CALN1: variants seen among roughly 807,000 people sequenced by gnomAD.
CALN1 encodes the protein calneuron 1.
CALN1 carries 17 observed loss-of-function variants against 30.6 expected under a neutral mutation model. That is an observed-to-expected ratio of 0.56 (90% confidence interval 0.38 to 0.83). The LOEUF is 0.83. Among genes scored for constraint, CALN1 ranks in the 40% least tolerant of loss-of-function variants. CALN1 has a pLI of 0.00. For missense variants in CALN1, 291 were observed against 354.9 expected (o/e 0.82, Z 1.45); for synonymous variants, 156 against 131.4 (o/e 1.19, Z -1.28).
At chr7:72,381,244 T>C (rs1156381137) in intron 2 of CALN1, among the ~76,000 whole-genome samples, 1 of 152,194 alleles carries the variant, frequency 6.6e-6, no homozygotes, top group African/African-American at 2.4e-5. Flanking sequence ...GGTGAGAGTG[T>C]AAATTAGTTC....
intron 2 of CALN1, among the ~76,000 whole-genome samples, chr7:72,326,867 T>C (rs1396493689): frequency 2.0e-5 from 3 of 152,228 alleles, no homozygotes; most frequent in East Asian, 3.8e-4. Context: ...TCTCTCTGAC[T>C]GAGTCTCCCC....
At chr7:72,215,662 C>A (rs1001168633) in intron 3 of CALN1, among the ~76,000 whole-genome samples, 1 of 151,862 alleles carries the variant, frequency 6.6e-6, no homozygotes, top group Non-Finnish European at 1.5e-5. Flanking sequence ...ATTTCAATCC[C>A]GTAATACTGC....
chr7:71,943,443 G>T (rs1376970560), intron 5 of CALN1, among the ~76,000 whole-genome samples: 3 of 151,872 alleles, frequency 2.0e-5, no homozygotes, highest in Admixed American at 6.6e-5. Context: ...AACAACAAAA[G>T]AATTTTTCTT....
chr7:72,280,901 G>A (rs1198557263), intron 2 of CALN1, among the ~76,000 whole-genome samples: 2 of 152,112 alleles, frequency 1.3e-5, no homozygotes, highest in Admixed American at 6.5e-5. Flanking sequence ...CCAGCACTTT[G>A]GGAGACCTAG....
intron 2 of CALN1, among the ~76,000 whole-genome samples, chr7:72,385,666 T>C (rs541720484): frequency 4.6e-5 from 7 of 152,316 alleles, no homozygotes; most frequent in African/African-American, 1.7e-4. Context: ...AGGGAGTAAC[T>C]TGGTGGTGAT....
At chr7:72,245,691 T>C (rs1434173517) in intron 3 of CALN1, among the ~76,000 whole-genome samples, 1 of 152,042 alleles carries the variant, frequency 6.6e-6, no homozygotes, top group Non-Finnish European at 1.5e-5. Flanking sequence ...AGAGATAGAA[T>C]TCACTTCCCA....
rs1227875540 is a variant in CALN1 at position 71,848,103 on chromosome 7, T to C, written c.502-37611A>G. Among the ~76,000 whole-genome samples the C allele has an allele frequency of 7.2e-5, 11 of 152,198 alleles. No individual in the cohort carries two copies. In the South Asian group the frequency reaches 1.7e-3, roughly 23 times the overall value. ...TGTCTAGTCAAGGTAACACATAAAA[T>C]TCACCATTGCAGAAGTGAAACTGGT... On this transcript the variant is annotated intron_variant, in intron 5 of 6. Coordinates refer to ENST00000395275, the MANE Select transcript of CALN1 (RefSeq NM_031468.4).
the CALN1 span, among the ~76,000 whole-genome samples, chr7:72,462,951 A>G: frequency 6.6e-6 from 1 of 152,248 alleles, no homozygotes; most frequent in East Asian, 1.9e-4. Flanking sequence ...TCTTCCATCA[A>G]TGAACATTAC....
At chr7:72,211,886 T>A (rs997864033) in intron 3 of CALN1, among the ~76,000 whole-genome samples, 1 of 152,098 alleles carries the variant, frequency 6.6e-6, no homozygotes. Flanking sequence ...TTAAAGAAGA[T>A]GATGATAGAG....
intron 5 of CALN1, among the ~76,000 whole-genome samples, chr7:71,868,644 TAAG>T (rs1357740965): frequency 4.6e-5 from 7 of 151,950 alleles, no homozygotes; most frequent in Non-Finnish European, 1.0e-4. Flanking sequence ...AGTGCTGGGA[TAAG>T]AACTCATTCA....
chr7:72,046,488 G>A (rs1040131929), intron 4 of CALN1, among the ~76,000 whole-genome samples: 5 of 151,896 alleles, frequency 3.3e-5, no homozygotes, highest in African/African-American at 1.2e-4. Flanking sequence ...GAGGCAGGTG[G>A]ATCACCTGAG....
intron 5 of CALN1, among the ~76,000 whole-genome samples, chr7:71,906,173 T>A (rs1041636453): frequency 1.8e-4 from 28 of 152,166 alleles, no homozygotes; most frequent in African/African-American, 5.3e-4. Flanking sequence ...ACACTCCCTA[T>A]CATTGCTGGA....
chr7:72,481,364 T>C, the CALN1 span, among the ~76,000 whole-genome samples: 1 of 152,224 alleles, frequency 6.6e-6, no homozygotes, highest in Non-Finnish European at 1.5e-5. Flanking sequence ...GCTGGGATTA[T>C]AAGCATGAGC....
chr7:72,195,421 C>T (rs560905204), intron 3 of CALN1, among the ~76,000 whole-genome samples: 10 of 152,288 alleles, frequency 6.6e-5, no homozygotes, highest in Admixed American at 1.3e-4. Context: ...TCTGCCACCC[C>T]GGCTGGAGTG....
At chr7:72,066,644 T>C (rs1458144237) in intron 4 of CALN1, among the ~76,000 whole-genome samples, 1 of 152,182 alleles carries the variant, frequency 6.6e-6, no homozygotes, top group Non-Finnish European at 1.5e-5. Flanking sequence ...ACAGGGTCTC[T>C]TTCTGTCAAT....
chr7:72,182,532 C>A (rs1287525831), intron 3 of CALN1, among the ~76,000 whole-genome samples: 2 of 152,076 alleles, frequency 1.3e-5, no homozygotes, highest in Non-Finnish European at 1.5e-5. Context: ...CCAACCTGGG[C>A]AACATGGTGA....
intron 4 of CALN1, among the ~76,000 whole-genome samples, chr7:72,097,792 C>CA (rs1806351989): frequency 6.6e-6 from 1 of 152,132 alleles, no homozygotes; most frequent in South Asian, 2.1e-4. Context: ...CGGCTCACCG[C>CA]AACCTCTGAC....
rs990802139 is a variant in CALN1, at chr7:72,380,729, A to G, written c.119+22522T>C. On this transcript the variant is annotated intron_variant, in intron 2 of 6. Coordinates refer to ENST00000395275, the MANE Select transcript of CALN1 (RefSeq NM_031468.4). ...ATTAGATAGATAGATAGATACATAG[A>G]TACATAGATAGATAGTGTTAAAGTT... Among the ~76,000 whole-genome samples the G allele has an allele frequency of 2.0e-5, 3 of 152,088 alleles. No homozygotes were observed. In the East Asian group the frequency reaches 5.8e-4, roughly 29 times the overall value.
intron 3 of CALN1, among the ~76,000 whole-genome samples, chr7:72,109,765 G>A (rs1263756463): frequency 2.0e-5 from 3 of 152,214 alleles, no homozygotes; most frequent in African/African-American, 2.4e-5. Context: ...GGAGGACGCA[G>A]AGGCCAGGCC....
Sources: allele counts gnomAD v4.1 joint callset (sites outside exome capture counted in the v4.1 genomes callset), GRCh38; gene constraint gnomAD v4.1.1; transcripts MANE v1.5; gene names NCBI Gene and HGNC (gene_info 2026-07-23, HGNC 2026-07-21).